The following ZDHHC14 variants were observed in gnomAD, a reference collection of about 807,000 sequenced individuals.
ZDHHC14 encodes zDHHC palmitoyltransferase 14.
A neutral mutation model predicts 47.7 loss-of-function variants in ZDHHC14; 16 were observed. The observed-to-expected ratio is 0.34, with a 90% CI of 0.23 to 0.51. ZDHHC14 has a LOEUF of 0.51. Ranked by LOEUF, ZDHHC14 falls within the 20% of genes least tolerant of loss-of-function variation. The probability of loss-of-function intolerance (pLI) is 0.97; values close to 1 mark genes in which losing one functional copy is unlikely to be tolerated. For missense variants in ZDHHC14, 515 were observed against 662.5 expected (o/e 0.78, Z 2.44); for synonymous variants, 293 against 278.9 (o/e 1.05, Z -0.50).
intron 1 of ZDHHC14, among the ~76,000 whole-genome samples, chr6:157,405,381 C>T (rs759611676): frequency 1.8e-4 from 28 of 152,158 alleles, no homozygotes; most frequent in East Asian, 9.7e-4. Flanking sequence ...TACAGGCACC[C>T]GCCACCACGC....
rs184953629 is a variant in ZDHHC14 at position 157,467,313 on chromosome 6, C to T, written c.246-75272C>T. ...AGAAACCCATACCCACCAACAGTTG[C>T]TCCCCCTGTCCTACCCCACCACCCC... On this transcript the variant is annotated intron_variant, in intron 1 of 8. Transcript: ENST00000359775. Among the ~76,000 whole-genome samples the T allele has an allele frequency of 3.1e-3, 475 of 152,158 alleles. 3 individuals are homozygous for T. The highest frequency in any genetic ancestry group is 5.4e-3 in the Non-Finnish European group (367 of 68,006).
intron 1 of ZDHHC14, among the ~76,000 whole-genome samples, chr6:157,454,602 G>A (rs1305202102): frequency 6.6e-6 from 1 of 150,934 alleles, no homozygotes; most frequent in Non-Finnish European, 1.5e-5. Flanking sequence ...CTTGGCTCAA[G>A]TGATTCTCCC....
rs1015985402 is a variant in ZDHHC14 at position 157,675,551 on chromosome 6, T to C, written c.*2429T>C. On this transcript the variant is annotated 3_prime_UTR_variant, in exon 9 of 9. Transcript: ENST00000359775. ...ATGGGCCAATTTGCTAGATAATTAA[T>C]GTCTTAAAAACCAAAACCAGAGAGA... is the stretch of plus-strand genomic sequence containing the variant. 2.0e-5 allele frequency: 3 copies of C among 152,222 alleles called. No individual in the cohort carries two copies. The highest frequency in any genetic ancestry group is 6.5e-5 in the Admixed American group (1 of 15,282). The allele number at this position is 152,222 out of a possible 1,614,324, so 9.4% of individuals were successfully genotyped here. A position where few individuals can be genotyped will look rare whatever the true frequency, so the allele number is the denominator to read the frequency against.
chr6:157,517,311 T>C (rs1183221995), intron 1 of ZDHHC14, among the ~76,000 whole-genome samples: 1 of 129,818 alleles, frequency 7.7e-6, no homozygotes, highest in Non-Finnish European at 1.6e-5. Flanking sequence ...ACTTCTGCTC[T>C]ATAGTATCTC....
At chr6:157,613,866 G>GA (rs1022136011) in intron 3 of ZDHHC14, among the ~76,000 whole-genome samples, 9 of 150,768 alleles carry the variant, frequency 6.0e-5, no homozygotes, top group East Asian at 1.9e-4. Context: ...AGTAAGGAAT[G>GA]AAAAAAAAAG....
At chr6:157,591,506 CCTTT>C (rs1482992262) in intron 2 of ZDHHC14, among the ~76,000 whole-genome samples, 2 of 152,178 alleles carry the variant, frequency 1.3e-5, no homozygotes, top group Non-Finnish European at 2.9e-5. Context: ...TGTTTGCTTC[CCTTT>C]CTGTCATGAT....
At chr6:157,599,418 G>A (rs537626822) in intron 3 of ZDHHC14, among the ~76,000 whole-genome samples, 17 of 152,292 alleles carry the variant, frequency 1.1e-4, no homozygotes, top group East Asian at 3.9e-4. Flanking sequence ...CCACAACTCC[G>A]GATTCAGACA....
rs149232317 is a variant in ZDHHC14, at chr6:157,469,707, A to G, written c.246-72878A>G. Among the ~76,000 whole-genome samples the G allele has an allele frequency of 3.0e-3, 463 of 152,310 alleles. 4 individuals carry two copies. The highest frequency in any genetic ancestry group is 0.011 in the African/African-American group (452 of 41,576). On this transcript the variant is annotated intron_variant, in intron 1 of 8. Transcript: ENST00000359775. Reference sequence around the variant, plus strand: ...AGTCCTGGAGGATACTGCACCTGCAATTAGGTGCTCTGATCTGGAAGTGAC... The same window carrying G: ...AGTCCTGGAGGATACTGCACCTGCAGTTAGGTGCTCTGATCTGGAAGTGAC...
At chr6:157,385,528 A>G (rs558795581) in intron 1 of ZDHHC14, among the ~76,000 whole-genome samples, 8 of 152,378 alleles carry the variant, frequency 5.3e-5, no homozygotes, top group African/African-American at 1.4e-4. Context: ...CCTGTCTGCA[A>G]TTCTTCTCTC....
chr6:157,545,140 A>C (rs35783212), intron 2 of ZDHHC14, among the ~76,000 whole-genome samples: 70,167 of 152,028 alleles, frequency 0.46, 16,498 homozygotes, highest in African/African-American at 0.56. Flanking sequence ...ATAAAATGTC[A>C]AAGAAAGCAC....
At chr6:157,601,369 C>A (rs1784330317) in intron 3 of ZDHHC14, among the ~76,000 whole-genome samples, 1 of 151,966 alleles carries the variant, frequency 6.6e-6, no homozygotes, top group South Asian at 2.1e-4. Context: ...AAAATAAACA[C>A]AAATATATAA....
intron 1 of ZDHHC14, among the ~76,000 whole-genome samples, chr6:157,424,873 G>A (rs1051187982): frequency 7.2e-5 from 11 of 152,006 alleles, no homozygotes; most frequent in South Asian, 6.3e-4. Flanking sequence ...AGTCAGCTGG[G>A]CCCAGCTTCT....
intron 2 of ZDHHC14, among the ~76,000 whole-genome samples, chr6:157,584,978 G>A (rs1167866157): frequency 6.6e-6 from 1 of 152,158 alleles, no homozygotes; most frequent in African/African-American, 2.4e-5. Flanking sequence ...GCCGAGGCGG[G>A]TGGATCACCT....
chr6:157,619,735 G>T (rs771900542), intron 3 of ZDHHC14, among the ~76,000 whole-genome samples: 11 of 151,886 alleles, frequency 7.2e-5, no homozygotes, highest in Non-Finnish European at 7.4e-5. Flanking sequence ...TTAACAAATG[G>T]AGCTAAATGC....
intron 1 of ZDHHC14, among the ~76,000 whole-genome samples, chr6:157,476,894 T>G (rs1779498285): frequency 6.6e-6 from 1 of 152,192 alleles, no homozygotes; most frequent in Non-Finnish European, 1.5e-5. Context: ...GTAGAAGGAA[T>G]GTACCTCAAC....
At chr6:157,529,769 T>C (rs750492622) in intron 1 of ZDHHC14, among the ~76,000 whole-genome samples, 4 of 152,216 alleles carry the variant, frequency 2.6e-5, no homozygotes, top group Non-Finnish European at 5.9e-5. Context: ...TAAGAAAATG[T>C]GTAGAGTGCA....
chr6:157,546,155 A>G (rs1205953741), intron 2 of ZDHHC14, among the ~76,000 whole-genome samples: 1 of 152,214 alleles, frequency 6.6e-6, no homozygotes, highest in Non-Finnish European at 1.5e-5. Flanking sequence ...GAAGGGGTGC[A>G]GGCACCTGCA....
intron 2 of ZDHHC14, among the ~76,000 whole-genome samples, chr6:157,562,525 G>A (rs745335618): frequency 1.3e-5 from 2 of 152,258 alleles, no homozygotes; most frequent in South Asian, 4.1e-4. Context: ...GGGGGCTCCC[G>A]AGAGGGTCTG....
At chr6:157,508,355 T>C (rs1165785627) in intron 1 of ZDHHC14, among the ~76,000 whole-genome samples, 2 of 152,176 alleles carry the variant, frequency 1.3e-5, no homozygotes, top group African/African-American at 4.8e-5. Flanking sequence ...ACTCTTTCAT[T>C]TGGATATTGA....
Sources: allele counts gnomAD v4.1 joint callset (sites outside exome capture counted in the v4.1 genomes callset), GRCh38; gene constraint gnomAD v4.1.1; transcripts MANE v1.5; gene names NCBI Gene and HGNC (gene_info 2026-07-23, HGNC 2026-07-21).